GPHN: variants seen among roughly 807,000 people sequenced by gnomAD.
GPHN encodes gephyrin.
In GPHN, 17 loss-of-function variants were observed where a neutral mutation model predicts 95.5. That is an observed-to-expected ratio of 0.18 (90% CI 0.12 to 0.27). GPHN has a LOEUF of 0.27. Among genes scored for constraint, GPHN ranks in the 10% least tolerant of loss-of-function variants. The pLI is 1.00. For missense variants in GPHN, 660 were observed against 978.1 expected (o/e 0.67, Z 4.34); for synonymous variants, 320 against 322.5 (o/e 0.99, Z 0.08).
the GPHN span, chr14:67,576,326 C>T: frequency 2.3e-6 from 2 of 869,102 alleles, no homozygotes; most frequent in Non-Finnish European, 3.7e-6. This position sits in a 1 kb window ranked among gnomAD's most constrained non-coding sequence, Gnocchi z 4.0. Flanking sequence ...TTCAAGGAGT[C>T]CTCCTTGGAG....
chr14:66,542,741 C>G (rs181857730), intron 1 of GPHN, among the ~76,000 whole-genome samples: 1 of 152,186 alleles, frequency 6.6e-6, no homozygotes, highest in East Asian at 1.9e-4. Flanking sequence ...TTTCCAATTG[C>G]AGCAAACTCC....
chr14:66,920,386 C>T (rs1317309227), intron 6 of GPHN, among the ~76,000 whole-genome samples: 1 of 152,114 alleles, frequency 6.6e-6, no homozygotes, highest in Non-Finnish European at 1.5e-5. Flanking sequence ...CTGTGTCACC[C>T]TGGCTGGAAT....
At chr14:66,543,398 C>T (rs1295045114) in intron 1 of GPHN, among the ~76,000 whole-genome samples, 1 of 151,994 alleles carries the variant, frequency 6.6e-6, no homozygotes, top group Non-Finnish European at 1.5e-5. Flanking sequence ...TTTTTTTTCA[C>T]ATGACTTCTG....
intron 1 of GPHN, among the ~76,000 whole-genome samples, chr14:66,592,613 G>C (rs879000130): frequency 6.6e-6 from 1 of 152,150 alleles, no homozygotes; most frequent in Non-Finnish European, 1.5e-5. Context: ...ACCATCTCAT[G>C]CCAGTTAAAA....
the GPHN span, among the ~76,000 whole-genome samples, chr14:67,250,787 T>C: frequency 3.3e-5 from 5 of 152,256 alleles, no homozygotes; most frequent in Non-Finnish European, 7.3e-5. Flanking sequence ...GTAGGCATCC[T>C]AAAGGAATCT....
chr14:67,177,889 C>T (rs996316576), intron 21 of GPHN, among the ~76,000 whole-genome samples: 3 of 152,014 alleles, frequency 2.0e-5, no homozygotes, highest in Non-Finnish European at 4.4e-5. Flanking sequence ...GATTGCAACC[C>T]CTGCTGTTTT....
intron 3 of GPHN, among the ~76,000 whole-genome samples, chr14:66,786,968 T>A (rs1050390258): frequency 6.6e-6 from 1 of 152,136 alleles, no homozygotes; most frequent in Non-Finnish European, 1.5e-5. Context: ...AAAGCAATAA[T>A]ATCTTCTCTG....
intron 2 of GPHN, among the ~76,000 whole-genome samples, chr14:66,775,963 G>T (rs944912686): frequency 6.6e-6 from 1 of 152,152 alleles, no homozygotes; most frequent in Non-Finnish European, 1.5e-5. Context: ...TCGTTCACCA[G>T]TTGTAGCACA....
At chr14:67,718,696 C>T in the GPHN span, among the ~76,000 whole-genome samples, 25 of 152,184 alleles carry the variant, frequency 1.6e-4, no homozygotes, top group Non-Finnish European at 2.8e-4. Context: ...CTCTCTGTGA[C>T]TTATGCCTAT....
At chr14:67,402,971 T>G in the GPHN span, among the ~76,000 whole-genome samples, 1 of 152,182 alleles carries the variant, frequency 6.6e-6, no homozygotes, top group Non-Finnish European at 1.5e-5. Context: ...GGTAGCTCTA[T>G]TTATATTTTT....
At chr14:67,110,461 A>G (rs1272497101) in intron 14 of GPHN, among the ~76,000 whole-genome samples, 1 of 152,220 alleles carries the variant, frequency 6.6e-6, no homozygotes, top group African/African-American at 2.4e-5. Flanking sequence ...ATCTGTTGTT[A>G]CAGGAGGGGT....
At position 66,674,914 on chromosome 14, in the gene GPHN, G is replaced by A. The variant is rs571963566; in HGVS notation, c.65-6193G>A. Among the ~76,000 whole-genome samples the A allele has an allele frequency of 7.9e-5, 12 of 152,156 alleles. No homozygotes were observed. The East Asian group carries it at 1.7e-3, about 22-fold the overall frequency. The stretch of plus-strand genomic sequence containing the variant: ...CTCCATACTGTTTTTCATAATGGCC[G>A]TACTAATTTACATATCCACAAACAG... On this transcript the variant is annotated intron_variant, in intron 1 of 22. Transcript: ENST00000478722.
the GPHN span, among the ~76,000 whole-genome samples, chr14:67,601,056 G>A: frequency 6.6e-6 from 1 of 152,244 alleles, no homozygotes; most frequent in South Asian, 2.1e-4. Flanking sequence ...CCCTCGGGCA[G>A]CTTCCTTTCT....
At position 66,552,964 on chromosome 14, in the gene GPHN, CT is replaced by C. The variant is rs1015420389; in HGVS notation, c.64+44384del. Among the ~76,000 whole-genome samples the C allele has an allele frequency of 5.9e-4, 84 of 143,030 alleles. 3 individuals are homozygous for C. The highest frequency in any genetic ancestry group is 5.3e-3 in the South Asian group (23 of 4,372). 93.8% of individuals were successfully genotyped at this position (143,030 alleles called of 152,430 possible). ...ATCCTGTTTGGGATTGGCTAAACTT[CT>C]TTTTTTTTTTCTTTTTTCTTTTCTT... On this transcript the variant is annotated intron_variant, in intron 1 of 22. Coordinates refer to ENST00000478722, the MANE Select transcript of GPHN (RefSeq NM_020806.5).
chr14:67,115,847 T>C (rs191912394), intron 16 of GPHN, among the ~76,000 whole-genome samples: 1 of 152,186 alleles, frequency 6.6e-6, no homozygotes, highest in Non-Finnish European at 1.5e-5. Flanking sequence ...CCGTACAAGA[T>C]GTCTATGTAT....
chr14:66,920,497 T>C (rs538598409), intron 6 of GPHN, among the ~76,000 whole-genome samples: 44 of 152,078 alleles, frequency 2.9e-4, no homozygotes, highest in Middle Eastern at 6.8e-3. Context: ...CCAAGTTGTA[T>C]ATAGAAATTT....
chr14:66,549,038 C>G (rs887556406), intron 1 of GPHN, among the ~76,000 whole-genome samples: 1 of 151,916 alleles, frequency 6.6e-6, no homozygotes, highest in Non-Finnish European at 1.5e-5. Context: ...TATACTATAT[C>G]TCTAAGGATA....
intron 2 of GPHN, among the ~76,000 whole-genome samples, chr14:66,699,182 C>T (rs2068329165): frequency 6.6e-6 from 1 of 152,032 alleles, no homozygotes; most frequent in Non-Finnish European, 1.5e-5. Flanking sequence ...GTTAAATGAA[C>T]ATACTGATAC....
the GPHN span, chr14:67,583,695 T>C: frequency 1.3e-6 from 2 of 1,532,254 alleles, no homozygotes; most frequent in Non-Finnish European, 8.9e-7. Flanking sequence ...ACCTGGCCCA[T>C]CCACTGTCAG....
Sources: gnomAD v4.1 joint callset for allele counts (sites outside exome capture counted in the v4.1 genomes callset) on GRCh38, gnomAD v4.1.1 for gene constraint, Gnocchi (gnomAD v3.1) non-coding constraint, MANE v1.5 for transcripts, NCBI Gene and HGNC (gene_info 2026-07-23, HGNC 2026-07-21) for gene names.